The following SMG1 variants were observed in gnomAD, a reference collection of about 807,000 sequenced individuals.
SMG1 encodes SMG1 nonsense mediated mRNA decay associated PI3K related kinase.
SMG1 carries 22 observed loss-of-function variants against 419.9 expected under a neutral mutation model. The observed-to-expected ratio is 0.05, with a 90% CI of 0.04 to 0.07. The LOEUF is 0.07. Ranked by LOEUF, SMG1 falls within the 10% of genes least tolerant of loss-of-function variation. The pLI is 1.00. For missense variants in SMG1, 3,185 were observed against 4,342.0 expected, an observed-to-expected ratio of 0.73 and a Z score of 7.49; for synonymous variants, 1,538 against 1,553.5, an observed-to-expected ratio of 0.99 and a Z score of 0.23.
chr16:18,842,588 G>T, intron 39 of SMG1, 134 bp from the exon 40 acceptor site: 1 of 785,606 alleles, frequency 1.3e-6, no homozygotes, highest in Non-Finnish European at 2.0e-6. Context: ...ACTTTGGGAG[G>T]CCGAGGTAGG....
rs2030695336 is a variant in SMG1 at position 18,805,018 on chromosome 16, AC to A, written c.*4550del. On this transcript the variant is annotated 3_prime_UTR_variant, in exon 63 of 63. Coordinates refer to ENST00000446231, the MANE Select transcript of SMG1 (RefSeq NM_015092.5). ...GGTGTGATTTATTCAACTTTTAAAT[AC>A]AATCACAAAATTATATCCATCAGGA... 1 of 152,698 alleles carries A rather than the reference AC, an allele frequency of 6.5e-6. No homozygotes were observed. The highest frequency in any genetic ancestry group is 1.5e-5 in the Non-Finnish European group (1 of 68,046). 9.5% of individuals were successfully genotyped at this position (152,698 alleles called of 1,614,324 possible). A position where few individuals can be genotyped will look rare whatever the true frequency, so the allele number is the denominator to read the frequency against.
In SMG1 at chr16:18,859,693, T is replaced by C. The variant is rs758093933; in HGVS notation, c.3816A>G (p.Lys1272=). Residue 1272 remains lysine, a synonymous_variant, in exon 27 of 63, where the codon AAA becomes AAG. Transcript: ENST00000446231. ...GGSKEKIDMK[K]LLPNMLSPDP... is the part of the protein sequence containing the mutation. ...CCGGACTTAACATGTTAGGAAGCAG[T>C]TTTTTCATGTCTACCAAAGTTAAAT... 5.0e-6 allele frequency: 8 copies of C among 1,600,156 alleles called. No individual in the cohort carries two copies. Among genetic ancestry groups the C allele is most frequent in the South Asian group, 2.3e-5 (2 of 88,584 alleles).
At chr16:18,920,411 G>A (rs2038152745) in intron 1 of SMG1, among the ~76,000 whole-genome samples, 1 of 151,364 alleles carries the variant, frequency 6.6e-6, no homozygotes, top group Non-Finnish European at 1.5e-5. Context: ...GTTGGGGTGA[G>A]GTGAAGGTTC....
intron 60 of SMG1, 149 bp from the exon 61 acceptor site, chr16:18,812,276 C>A: frequency 1.4e-6 from 1 of 710,060 alleles, no homozygotes; most frequent in Non-Finnish European, 2.2e-6. Context: ...CAATTGTCTT[C>A]CTAAAAATGT....
chr16:18,842,141 C>A (rs2033962867), intron 40 of SMG1, 67 bp downstream of exon 40: 2 of 1,502,276 alleles, frequency 1.3e-6, no homozygotes, highest in South Asian at 2.5e-5. Context: ...TATACACACC[C>A]ACACTCACAC....
At chr16:18,900,124 A>G in intron 1 of SMG1, 2 of 723,778 alleles carry the variant, frequency 2.8e-6, no homozygotes. Flanking sequence ...AATATCATTC[A>G]TGAGTTAGGT....
intron 1 of SMG1, among the ~76,000 whole-genome samples, chr16:18,903,817 C>T (rs1284705038): frequency 2.0e-5 from 3 of 152,086 alleles, no homozygotes; most frequent in African/African-American, 7.2e-5. Context: ...AATTCACCTG[C>T]ATCTGCACAT....
In SMG1 at chr16:18,850,426, G is replaced by A. The variant is rs370876657; in HGVS notation, c.5094C>T (p.Asn1698=). ...ITLQITESED[N]EEDDMVDVIW... ...TAACATCAACCATGTCATCTTCTTC[G>A]TTGTCTTCACTCTCAGTTATCTGAA... is the stretch of plus-strand genomic sequence containing the variant. The change falls in exon 34 of 63, where the codon AAC becomes AAT. Residue 1698 remains asparagine, a synonymous_variant. Transcript: ENST00000446231. The A allele has an allele frequency of 8.7e-6, 14 of 1,613,440 alleles. No individual in the cohort carries two copies. The African/African-American group carries it at 9.3e-5, about 11-fold the overall frequency.
intron 6 of SMG1, among the ~76,000 whole-genome samples, chr16:18,888,703 T>C (rs1031965001): frequency 1.3e-5 from 2 of 151,918 alleles, no homozygotes; most frequent in African/African-American, 2.4e-5. Context: ...CTTGACCTCA[T>C]GATGTTTCCA....
At chr16:18,844,259 T>C (rs140866962) in intron 39 of SMG1, among the ~76,000 whole-genome samples, 1,952 of 151,850 alleles carry the variant, frequency 0.013, 54 homozygotes, top group African/African-American at 0.045. Flanking sequence ...TGAAACTCCG[T>C]CTCTACTAAA....
chr16:18,883,350 T>A (rs962903258), intron 9 of SMG1, among the ~76,000 whole-genome samples: 11 of 152,238 alleles, frequency 7.2e-5, no homozygotes, highest in African/African-American at 2.7e-4. Context: ...AAGCCAAGGC[T>A]TGTCCTCCAA....
chr16:18,890,998 T>A (rs2036852442), intron 4 of SMG1, 77 bp from the exon 5 acceptor site: 1 of 783,340 alleles, frequency 1.3e-6, no homozygotes, highest in Non-Finnish European at 2.3e-6. Flanking sequence ...TTTTTACTTG[T>A]CTTCCCCTCC....
intron 1 of SMG1, chr16:18,925,022 A>G (rs1186809539): frequency 6.6e-6 from 1 of 152,194 alleles, no homozygotes; most frequent in Non-Finnish European, 1.5e-5. Flanking sequence ...TACCCCTAAA[A>G]TATATTTCTG....
intron 6 of SMG1, 68 bp from the exon 7 acceptor site, chr16:18,885,734 C>A (rs1345650187): frequency 3.5e-6 from 5 of 1,433,480 alleles, no homozygotes; most frequent in African/African-American, 1.4e-5. Flanking sequence ...AAATTAGGTT[C>A]ATTATTTACT....
intron 13 of SMG1, among the ~76,000 whole-genome samples, chr16:18,873,626 A>AC (rs2035944503): frequency 6.6e-6 from 1 of 152,222 alleles, no homozygotes; most frequent in Non-Finnish European, 1.5e-5. Flanking sequence ...AACAAAAAAC[A>AC]AGTGCTGGGC....
chr16:18,841,881 G>T, intron 40 of SMG1, 87 bp from the exon 41 acceptor site: 1 of 1,119,212 alleles, frequency 8.9e-7, no homozygotes, highest in Non-Finnish European at 1.3e-6. Context: ...AGCAGTGGCA[G>T]TCAAAAACTG....
rs751270796 is a variant in SMG1, at chr16:18,869,095, G to A, written c.2833+9C>T. The A allele has an allele frequency of 1.0e-5, 16 of 1,606,824 alleles. No individual in the cohort carries two copies. Among genetic ancestry groups the A allele is most frequent in the Non-Finnish European group, 1.1e-5 (13 of 1,175,216 alleles). On this transcript the variant is annotated intron_variant, in intron 20 of 62. Coordinates refer to ENST00000446231, the MANE Select transcript of SMG1 (RefSeq NM_015092.5). ...AAAGTATTCACATCACAAAGCTTGA[G>A]TGAGTTACCTTCAATTGTCTGGAAG... is the stretch of plus-strand genomic sequence containing the variant.
intron 3 of SMG1, among the ~76,000 whole-genome samples, chr16:18,894,759 C>T (rs1323143662): frequency 2.0e-5 from 3 of 150,728 alleles, no homozygotes; most frequent in East Asian, 3.9e-4. Flanking sequence ...TCAGCTTTAC[C>T]GATAAATTTC....
At chr16:18,913,269 T>C (rs2037856513) in intron 1 of SMG1, among the ~76,000 whole-genome samples, 1 of 152,092 alleles carries the variant, frequency 6.6e-6, no homozygotes, top group Non-Finnish European at 1.5e-5. Flanking sequence ...GTTTGTATCA[T>C]CAGGAATATA....
Sources: gnomAD v4.1 joint callset for allele counts (sites outside exome capture counted in the v4.1 genomes callset) on GRCh38, gnomAD v4.1.1 for gene constraint, MANE v1.5 for transcripts, NCBI Gene and HGNC (gene_info 2026-07-23, HGNC 2026-07-21) for gene names.